AMOTL1: variants seen among roughly 807,000 people sequenced by gnomAD.
AMOTL1 encodes the protein angiomotin-like protein 1.
AMOTL1 carries 45 observed loss-of-function variants against 102.9 expected under a neutral mutation model. The observed-to-expected ratio is 0.44, with a 90% CI of 0.34 to 0.56. The LOEUF (loss-of-function observed/expected upper bound fraction) is 0.56, where lower values mean the gene tolerates loss of function less well. AMOTL1 is among the 20% of genes least tolerant of loss of function. AMOTL1 has a pLI of 0.01. For synonymous variants in AMOTL1, 481 were observed against 484.7 expected (o/e 0.99, Z 0.10); for missense variants, 1,114 against 1,225.6 (o/e 0.91, Z 1.36).
At chr11:94,870,426 G>C (rs1161928405) in intron 12 of AMOTL1, among the ~76,000 whole-genome samples, 1 of 152,220 alleles carries the variant, frequency 6.6e-6, no homozygotes, top group African/African-American at 2.4e-5. Context: ...TTTGAGTAGA[G>C]GGTGTGAGGG....
chr11:94,869,391 C>G lies in AMOTL1; in HGVS notation c.2682C>G (p.Pro894=), dbSNP rs1296807804. Residue 894 remains proline, a synonymous_variant, in exon 12 of 13, where the codon CCC becomes CCG. Transcript: ENST00000433060. ...ELFWPSMASL[P]SRGRLSTTPA... ...TCTGGCCCAGCATGGCCTCCCTTCC[C>G]AGCCGCGGCCGGCTGAGCACGACCC... is the stretch of plus-strand genomic sequence containing the variant. 4 of 1,605,954 alleles carry G rather than the reference C, an allele frequency of 2.5e-6. No individual in the cohort carries two copies. The African/African-American group carries it at 4.0e-5, about 16-fold the overall frequency.
Sources: gnomAD v4.1 joint callset for allele counts (sites outside exome capture counted in the v4.1 genomes callset) on GRCh38, gnomAD v4.1.1 for gene constraint, MANE v1.5 for transcripts, NCBI Gene and HGNC (gene_info 2026-07-23, HGNC 2026-07-21) for gene names.